Variants in APOOL observed in about 807,000 individuals in gnomAD.
APOOL encodes the protein MICOS complex subunit MIC27.
A neutral mutation model predicts 23.1 loss-of-function variants in APOOL; 12 were observed. That is an observed-to-expected ratio of 0.52 (90% confidence interval 0.33 to 0.84). APOOL has a LOEUF of 0.84. Among genes scored for constraint, APOOL ranks in the 40% least tolerant of loss-of-function variants. The pLI is 0.02. For synonymous variants in APOOL, 77 were observed against 69.9 expected (o/e 1.10, Z -0.51); for missense variants, 212 against 199.6 (o/e 1.06, Z -0.37).
intron 1 of APOOL, among the ~76,000 whole-genome samples, chrX:85,036,031 T>C (rs1253972795): frequency 8.9e-6 from 1 of 112,646 alleles, no homozygotes; most frequent in Non-Finnish European, 1.9e-5. Context: ...GTTGGTAGTT[T>C]GATAGGAATA....
At position 85,092,413 on chromosome X, in the gene APOOL, A is replaced by G. The variant is rs768238031; in HGVS notation, c.*4735A>G. ...CTTTCATTCTTCCCATGCCATGTCCAGGAGTTCTTCTCTGTTAAACCTGAA... is the reference window on the plus strand; with the variant it reads ...CTTTCATTCTTCCCATGCCATGTCCGGGAGTTCTTCTCTGTTAAACCTGAA... On this transcript the variant is annotated 3_prime_UTR_variant, in exon 9 of 9. Coordinates refer to ENST00000373173, the MANE Select transcript of APOOL (RefSeq NM_198450.6). 28 of 1,178,702 alleles carry G rather than the reference A, an allele frequency of 2.4e-5. No individual in the cohort carries two copies. Among genetic ancestry groups the G allele is most frequent in the Middle Eastern group, 2.3e-4 (1 of 4,305 alleles).
intron 1 of APOOL, among the ~76,000 whole-genome samples, chrX:85,013,832 A>C (rs1171939662): frequency 9.0e-6 from 1 of 111,495 alleles, no homozygotes; most frequent in Admixed American, 9.5e-5. Flanking sequence ...ATCTAAGTCC[A>C]TTTGTTCTAG....
At chrX:85,067,627 A>AACACACAC (rs758966009) in intron 6 of APOOL, among the ~76,000 whole-genome samples, 2,695 of 90,337 alleles carry the variant, frequency 0.03, 104 homozygotes, top group African/African-American at 0.097. Context: ...CTGAAGGTAA[A>AACACACAC]ACACACACAC....
chrX:85,077,016 TAC>T (rs1923866153), intron 8 of APOOL, among the ~76,000 whole-genome samples: 1 of 95,291 alleles, frequency 1.0e-5, no homozygotes, highest in African/African-American at 4.2e-5. Flanking sequence ...TATATATATA[TAC>T]GTATATATAT....
At chrX:85,069,232 C>T (rs927456940) in intron 6 of APOOL, among the ~76,000 whole-genome samples, 1 of 109,908 alleles carries the variant, frequency 9.1e-6, no homozygotes, top group Non-Finnish European at 1.9e-5. Flanking sequence ...GTCTATAGCA[C>T]ACCCTCCTAT....
In APOOL at chrX:85,054,341, TAGGGTG is replaced by T. The variant is rs1602770059; in HGVS notation, c.241-2_244del. ...TGTCTTCCCCCCCTTTTTTTTTGCT[TAGGGTG>T]TTTATGTCTTTGTGAAAAATGGGAT... is the stretch of plus-strand genomic sequence containing the variant. On this transcript the variant is annotated splice_acceptor_variant and coding_sequence_variant, in exon 4 of 9. Coordinates refer to ENST00000373173, the MANE Select transcript of APOOL (RefSeq NM_198450.6). LOFTEE classifies it high-confidence loss of function. 1 of 1,185,041 alleles carries T rather than the reference TAGGGTG, an allele frequency of 8.4e-7. No homozygotes were observed. Among genetic ancestry groups the T allele is most frequent in the Non-Finnish European group, 1.1e-6 (1 of 881,616 alleles).
rs755172670 is a variant in APOOL at position 85,061,759 on chromosome X, G to C, written c.395-5368G>C. Among the ~76,000 whole-genome samples, 41 of 111,664 alleles carry C rather than the reference G, an allele frequency of 3.7e-4. No individual in the cohort carries two copies. In the Admixed American group the frequency reaches 3.9e-3, roughly 11 times the overall value. On this transcript the variant is annotated intron_variant, in intron 5 of 8. Transcript: ENST00000373173. ...TTATCATTTTTTATTGTGTCTATTT[G>C]ATTCTTCTCTCTTTTCTTCTTTATT... is the stretch of plus-strand genomic sequence containing the variant.
intron 1 of APOOL, among the ~76,000 whole-genome samples, chrX:85,008,793 ATGTC>A (rs1417111148): frequency 9.0e-6 from 1 of 111,143 alleles, no homozygotes; most frequent in Non-Finnish European, 1.9e-5. Context: ...TATTTTTTCT[ATGTC>A]TGTGAAAAAT....
intron 1 of APOOL, among the ~76,000 whole-genome samples, chrX:85,028,521 TC>T (rs1921920524): frequency 3.6e-5 from 4 of 111,720 alleles, no homozygotes; most frequent in African/African-American, 1.3e-4. Flanking sequence ...CAAGCATTTA[TC>T]CTCTGAGTTA....
At chrX:85,011,103 T>G (rs1187943553) in intron 1 of APOOL, among the ~76,000 whole-genome samples, 3 of 112,047 alleles carry the variant, frequency 2.7e-5, no homozygotes, top group African/African-American at 9.7e-5. Context: ...TTAGTGATGT[T>G]AAGCATTTTT....
intron 4 of APOOL, among the ~76,000 whole-genome samples, chrX:85,055,433 A>G (rs768293427): frequency 9.0e-5 from 10 of 111,264 alleles, no homozygotes; most frequent in Non-Finnish European, 1.9e-4. Context: ...TAAAGTATCT[A>G]TTTCATTTCT....
At position 85,092,915 on chromosome X, in the gene APOOL, T is replaced by C. The variant is rs1345451887; in HGVS notation, c.*5237T>C. 6.2e-6 allele frequency: 2 copies of C among 324,900 alleles called. No individual in the cohort carries two copies. The highest frequency in any genetic ancestry group is 5.3e-5 in the African/African-American group (2 of 37,947). The allele number at this position is 324,900 out of a possible 1,213,427, so 26.8% of individuals were successfully genotyped here. On this transcript the variant is annotated 3_prime_UTR_variant, in exon 9 of 9. Transcript: ENST00000373173. The stretch of plus-strand genomic sequence containing the variant: ...GCCTGTGTTTTTGAATAAAAATGCT[T>C]TCTAATCTCCCTCCTTCTTACTTTC...
At chrX:85,077,180 A>G in intron 8 of APOOL, among the ~76,000 whole-genome samples, 1 of 105,529 alleles carries the variant, frequency 9.5e-6, no homozygotes, top group Middle Eastern at 4.9e-3. Context: ...ATAGGTATAC[A>G]TGTGCCATTG....
intron 5 of APOOL, among the ~76,000 whole-genome samples, chrX:85,064,857 T>C (rs1213159663): frequency 1.8e-5 from 2 of 111,753 alleles, no homozygotes; most frequent in Admixed American, 1.9e-4. Flanking sequence ...TTCTGGTTTT[T>C]TTTGGAGGGG....
At position 85,087,570 on chromosome X, in the gene APOOL, T is replaced by C. The variant is rs773314311; in HGVS notation, c.719-20T>C. ...TTTGTTAAGTGACTAATTTTTCTTT[T>C]CATTTTAATACTTTATCAGGTGCAA... is the stretch of plus-strand genomic sequence containing the variant. On this transcript the variant is annotated intron_variant, in intron 8 of 8. Transcript: ENST00000373173. The C allele has an allele frequency of 8.5e-7, 1 of 1,171,903 alleles. No homozygotes were observed. The highest frequency in any genetic ancestry group is 1.9e-5 in the South Asian group (1 of 51,863).
chrX:85,055,747 T>C, intron 4 of APOOL, 80 bp from the exon 5 acceptor site: 1 of 690,636 alleles, frequency 1.4e-6, no homozygotes, highest in Non-Finnish European at 2.1e-6. Flanking sequence ...GCAAATCTCT[T>C]TAACCTTCCT....
At chrX:85,019,518 T>G (rs1163131710) in intron 1 of APOOL, among the ~76,000 whole-genome samples, 1 of 112,344 alleles carries the variant, frequency 8.9e-6, no homozygotes, top group Non-Finnish European at 1.9e-5. Context: ...TTAAGTCATT[T>G]TGTTATAGCA....
chrX:85,060,237 A>C lies in APOOL; in HGVS notation c.394+4312A>C, dbSNP rs1265920434. ...GCTCTGTTCTGTTCCATTGATCTAT[A>C]TCTCTGTTTTGGTACCAGTACCATG... On this transcript the variant is annotated intron_variant, in intron 5 of 8. Transcript: ENST00000373173. Among the ~76,000 whole-genome samples the C allele has an allele frequency of 5.8e-5, 6 of 103,333 alleles. No homozygotes were observed. The East Asian group carries it at 1.5e-3, about 26-fold the overall frequency. The allele number at this position is 103,333 out of a possible 115,157, so 89.7% of individuals were successfully genotyped here. A position where few individuals can be genotyped will look rare whatever the true frequency, so the allele number is the denominator to read the frequency against.
chrX:85,034,773 T>A (rs914501137), intron 1 of APOOL, among the ~76,000 whole-genome samples: 25 of 112,335 alleles, frequency 2.2e-4, no homozygotes, highest in Middle Eastern at 9.2e-3. Context: ...TGCATCCATG[T>A]TGCTGTAAAG....
Sources: gnomAD v4.1 joint callset for allele counts (sites outside exome capture counted in the v4.1 genomes callset) on GRCh38, gnomAD v4.1.1 for gene constraint, MANE v1.5 for transcripts, NCBI Gene and HGNC (gene_info 2026-07-23, HGNC 2026-07-21) for gene names.